Variants in PTK2B observed in about 807,000 individuals in gnomAD.
PTK2B encodes protein-tyrosine kinase 2-beta.
A neutral mutation model predicts 142.9 loss-of-function variants in PTK2B; 71 were observed. That is an observed-to-expected ratio of 0.50 (90% CI 0.41 to 0.61). The LOEUF (loss-of-function observed/expected upper bound fraction) is 0.61. Ranked by LOEUF, PTK2B falls within the 20% of genes least tolerant of loss-of-function variation. The pLI is 0.00. For missense variants in PTK2B, 1,105 were observed against 1,320.4 expected (o/e 0.84, Z 2.53); for synonymous variants, 519 against 503.4 (o/e 1.03, Z -0.42).
At chr8:27,423,451 T>G (rs1348572751) in intron 5 of PTK2B, among the ~76,000 whole-genome samples, 4 of 152,096 alleles carry the variant, frequency 2.6e-5, no homozygotes, top group African/African-American at 9.7e-5. Context: ...CTTGGGAGAT[T>G]TGATTTGGCA....
intron 5 of PTK2B, among the ~76,000 whole-genome samples, chr8:27,427,440 G>A (rs1403126296): frequency 1.3e-5 from 2 of 152,206 alleles, no homozygotes; most frequent in Non-Finnish European, 2.9e-5. Flanking sequence ...AATGGGTGCT[G>A]CCTTTGCCTG....
At chr8:27,324,654 A>G (rs1369753039), upstream of PTK2B, among the ~76,000 whole-genome samples, 1 of 152,254 alleles carries the variant, frequency 6.6e-6, no homozygotes, top group African/African-American at 2.4e-5. Flanking sequence ...GAATTGTGCA[A>G]CAGGGCAGCT....
At chr8:27,422,526 G>T in intron 5 of PTK2B, 143 bp downstream of exon 5, 2 of 740,124 alleles carry the variant, frequency 2.7e-6, no homozygotes, top group Non-Finnish European at 4.1e-6. Flanking sequence ...AGCAGGTGAG[G>T]CTCTGAGGGG....
intron 1 of PTK2B, among the ~76,000 whole-genome samples, chr8:27,342,584 C>A (rs1301680307): frequency 6.6e-6 from 1 of 152,164 alleles, no homozygotes; most frequent in East Asian, 1.9e-4. Context: ...GGCAAGACTG[C>A]CTCTCCCAGG....
rs576450267 is a variant in PTK2B, at chr8:27,446,619, A to G, written c.2340+700A>G. Among the ~76,000 whole-genome samples the G allele has an allele frequency of 5.3e-5, 8 of 152,326 alleles. No individual in the cohort carries two copies. The South Asian group carries it at 1.7e-3, about 32-fold the overall frequency. On this transcript the variant is annotated intron_variant, in intron 24 of 30. Coordinates refer to ENST00000346049, the MANE Select transcript of PTK2B (RefSeq NM_173176.3). The stretch of plus-strand genomic sequence containing the variant: ...ACCTTCTTCCATACAAATGGCCCCT[A>G]GTGGTCAGTTGCCACGAACACTTGA...
intron 1 of PTK2B, among the ~76,000 whole-genome samples, chr8:27,383,156 C>T (rs866647051): frequency 3.3e-5 from 5 of 152,242 alleles, no homozygotes; most frequent in African/African-American, 1.2e-4. Flanking sequence ...GTAGTATGGT[C>T]ATTTTAACAA....
intron 1 of PTK2B, among the ~76,000 whole-genome samples, chr8:27,344,779 C>T (rs1218271252): frequency 6.6e-6 from 1 of 152,168 alleles, no homozygotes; most frequent in African/African-American, 2.4e-5. Flanking sequence ...TACTCCAGGA[C>T]ACACAACTCA....
At position 27,422,313 on chromosome 8, in the gene PTK2B, G is replaced by A. The variant is rs1484322121; in HGVS notation, c.481G>A (p.Asp161Asn). ...CCTTTCTCCCCACCAGCTCCGGAACGACTACATGCAGCGCTACGCCAGCAA... is the reference window on the plus strand; with the variant it reads ...CCTTTCTCCCCACCAGCTCCGGAACAACTACATGCAGCGCTACGCCAGCAA... ...LLYFYQQLRN[D>N]YMQRYASKVS... The change falls in exon 5 of 31, where the codon GAC becomes AAC. Residue 161 changes from aspartate to asparagine, a missense_variant. Physicochemically the swap from Asp to Asn is conservative, Grantham distance 23. Transcript: ENST00000346049. 1.1e-5 allele frequency: 17 copies of A among 1,613,378 alleles called. No individual in the cohort carries two copies. Among genetic ancestry groups the A allele is most frequent in the Admixed American group, 3.3e-5 (2 of 59,906 alleles).
At chr8:27,388,062 A>C (rs760297686) in intron 1 of PTK2B, among the ~76,000 whole-genome samples, 1 of 152,244 alleles carries the variant, frequency 6.6e-6, no homozygotes, top group Non-Finnish European at 1.5e-5. Context: ...ACAGTCTGCC[A>C]TCCAGGTTAA....
intron 2 of PTK2B, among the ~76,000 whole-genome samples, chr8:27,398,345 T>C (rs1808189342): frequency 6.6e-6 from 1 of 152,260 alleles, no homozygotes; most frequent in East Asian, 1.9e-4. Context: ...AATCACAACA[T>C]CTGTTTTGCA....
chr8:27,452,810 C>A, intron 27 of PTK2B: 1 of 501,926 alleles, frequency 2.0e-6, no homozygotes. Context: ...CAGTACTGTT[C>A]CTTAGGCCTG....
chr8:27,435,765 T>C lies in PTK2B; in HGVS notation c.1215T>C (p.Ile405=), dbSNP rs774107995. The C allele has an allele frequency of 1.2e-5, 20 of 1,614,024 alleles. No individual in the cohort carries two copies. The highest frequency in any genetic ancestry group is 1.6e-5 in the Non-Finnish European group (19 of 1,180,054). The part of the protein sequence containing the change: ...CSIESDIYAE[I]PDETLRRPGG... The stretch of plus-strand genomic sequence containing the variant: ...CAGAGTCAGACATCTACGCAGAGAT[T>C]CCCGACGAAACCCTGCGAAGGCCCG... Residue 405 remains isoleucine (I), a synonymous_variant, in exon 14 of 31, where the codon ATT becomes ATC. Transcript: ENST00000346049.
intron 4 of PTK2B, 90 bp downstream of exon 4, chr8:27,420,834 C>A: frequency 8.0e-7 from 1 of 1,248,116 alleles, no homozygotes; most frequent in Non-Finnish European, 1.1e-6. Flanking sequence ...GATGGAAAGA[C>A]AAAGCCCAGA....
rs372149978 is a variant in PTK2B, at chr8:27,440,424, G to A, written c.2022G>A (p.Glu674=). 8.4e-5 allele frequency: 135 copies of A among 1,613,814 alleles called. No homozygotes were observed. Among genetic ancestry groups the A allele is most frequent in the Non-Finnish European group, 1.1e-4 (132 of 1,180,028 alleles). Residue 674 remains glutamate (E), a synonymous_variant, in exon 21 of 31, where the codon GAG becomes GAA. Transcript: ENST00000346049. ...YDPSDRPRFT[E]LVCSLSDVYQ... ...CCAGTGACCGGCCCCGCTTCACCGA[G>A]CTGGTGTGCAGCCTCAGGTGAGCAT...
intron 1 of PTK2B, among the ~76,000 whole-genome samples, chr8:27,346,881 C>T (rs1804743071): frequency 6.6e-6 from 1 of 152,242 alleles, no homozygotes; most frequent in Non-Finnish European, 1.5e-5. Context: ...TGGTGCTGAA[C>T]TGCACTTGGC....
intron 1 of PTK2B, among the ~76,000 whole-genome samples, chr8:27,329,228 G>A (rs73565936): frequency 0.016 from 2,378 of 152,208 alleles, 71 homozygotes; most frequent in African/African-American, 0.054. Context: ...GAGCCACCGC[G>A]TCTGGCTGTA....
intron 1 of PTK2B, among the ~76,000 whole-genome samples, chr8:27,333,501 G>A (rs1431637080): frequency 2.0e-5 from 3 of 152,164 alleles, no homozygotes; most frequent in African/African-American, 4.8e-5. Context: ...AATAAATTGC[G>A]TAACTCAGAT....
chr8:27,443,821 C>G (rs1313054117), intron 22 of PTK2B, among the ~76,000 whole-genome samples: 1 of 152,246 alleles, frequency 6.6e-6, no homozygotes, highest in Non-Finnish European at 1.5e-5. Flanking sequence ...CCCCGCGGGC[C>G]TGGCTCAGCG....
intron 1 of PTK2B, among the ~76,000 whole-genome samples, chr8:27,331,116 C>T (rs1248379322): frequency 6.6e-6 from 1 of 152,226 alleles, no homozygotes; most frequent in Admixed American, 6.5e-5. Flanking sequence ...TCAAAGAATC[C>T]ACCTCGCCCA....
Sources: allele counts gnomAD v4.1 joint callset (sites outside exome capture counted in the v4.1 genomes callset), GRCh38; gene constraint gnomAD v4.1.1; transcripts MANE v1.5; gene names NCBI Gene and HGNC (gene_info 2026-07-23, HGNC 2026-07-21).